The following NINL variants were observed in gnomAD, a reference collection of about 807,000 sequenced individuals.
NINL encodes the protein ninein like.
NINL carries 153 observed loss-of-function variants against 160.3 expected under a neutral mutation model. That is an observed-to-expected ratio of 0.95 (90% CI 0.84 to 1.09). The LOEUF (loss-of-function observed/expected upper bound fraction) is 1.09. Among genes scored for constraint, NINL ranks in the 50% least tolerant of loss-of-function variants. The pLI, the probability that NINL is intolerant of heterozygous loss-of-function variation, is 0.00. For missense variants in NINL, 1,829 were observed against 1,764.0 expected, an observed-to-expected ratio of 1.04 and a Z score of -0.66; for synonymous variants, 800 against 734.8, an observed-to-expected ratio of 1.09 and a Z score of -1.43.
At chr20:25,472,702 T>C (rs2063136629) in intron 17 of NINL, among the ~76,000 whole-genome samples, 1 of 152,042 alleles carries the variant, frequency 6.6e-6, no homozygotes, top group Non-Finnish European at 1.5e-5. Flanking sequence ...CTAATTTTTC[T>C]TAAGTTTTTG....
intron 1 of NINL, among the ~76,000 whole-genome samples, chr20:25,558,353 A>G (rs994160337): frequency 6.7e-6 from 1 of 148,340 alleles, no homozygotes; most frequent in Admixed American, 6.7e-5. Context: ...GAGGACACAC[A>G]CCCACCACCA....
At chr20:25,529,163 TC>T (rs1299095579) in intron 1 of NINL, among the ~76,000 whole-genome samples, 2 of 152,026 alleles carry the variant, frequency 1.3e-5, no homozygotes, top group Admixed American at 1.3e-4. Context: ...AGTCTCAGAT[TC>T]TCAGGAGGCT....
At chr20:25,577,559 C>T (rs2065127978) in intron 1 of NINL, among the ~76,000 whole-genome samples, 1 of 152,228 alleles carries the variant, frequency 6.6e-6, no homozygotes, top group African/African-American at 2.4e-5. Flanking sequence ...TAATTAATAG[C>T]TGTTTACTAC....
At chr20:25,487,658 C>T (rs1006771756) in intron 13 of NINL, among the ~76,000 whole-genome samples, 3 of 152,206 alleles carry the variant, frequency 2.0e-5, no homozygotes, top group Non-Finnish European at 4.4e-5. Context: ...AAATTAAAAC[C>T]TAACCAGGAG....
At chr20:25,460,232 C>G (rs950485040) in intron 21 of NINL, among the ~76,000 whole-genome samples, 9 of 152,212 alleles carry the variant, frequency 5.9e-5, no homozygotes, top group African/African-American at 2.2e-4. Flanking sequence ...CTCGTGGCCA[C>G]TCTTAGGGAG....
intron 18 of NINL, among the ~76,000 whole-genome samples, chr20:25,469,365 G>A (rs1268471275): frequency 2.4e-5 from 2 of 81,638 alleles, no homozygotes; most frequent in South Asian, 4.6e-4. Flanking sequence ...ACTGGTGGCC[G>A]CCCTGCCCTG....
chr20:25,511,212 C>T (rs532973793), intron 4 of NINL, among the ~76,000 whole-genome samples: 1 of 152,278 alleles, frequency 6.6e-6, no homozygotes, highest in East Asian at 1.9e-4. Context: ...TTTCCCTCAC[C>T]AACCATATCA....
At chr20:25,467,973 G>A (rs566629971) in intron 18 of NINL, among the ~76,000 whole-genome samples, 1 of 152,168 alleles carries the variant, frequency 6.6e-6, no homozygotes, top group Non-Finnish European at 1.5e-5. Flanking sequence ...GGCAATCCCT[G>A]GGTACCTGCT....
rs148214275 is a variant in NINL, at chr20:25,495,744, T to G, written c.1310+919A>C. Among the ~76,000 whole-genome samples, 14 of 152,296 alleles carry G rather than the reference T, an allele frequency of 9.2e-5. No homozygotes were observed. In the East Asian group the frequency reaches 9.7e-4, roughly 11 times the overall value. On this transcript the variant is annotated intron_variant, in intron 10 of 23. Coordinates refer to ENST00000278886, the MANE Select transcript of NINL (RefSeq NM_025176.6). ...GCAGACATGTGCCCCACCAATGACG[T>G]AGAGAAGCCCCTCTCCCTGCCTGAG...
intron 1 of NINL, among the ~76,000 whole-genome samples, chr20:25,563,882 A>G (rs1444358998): frequency 2.6e-5 from 4 of 152,204 alleles, no homozygotes; most frequent in Admixed American, 1.3e-4. Flanking sequence ...AAAGAGAAGA[A>G]GAAGAAACAA....
chr20:25,480,038 G>C (rs2063353999), intron 15 of NINL, 123 bp downstream of exon 15: 2 of 708,934 alleles, frequency 2.8e-6, no homozygotes, highest in African/African-American at 1.8e-5. Context: ...TCCCCAAAGG[G>C]GCTCACAATG....
At chr20:25,477,753 G>A (rs1164705148) in intron 16 of NINL, among the ~76,000 whole-genome samples, 9 of 152,152 alleles carry the variant, frequency 5.9e-5, no homozygotes, top group African/African-American at 1.4e-4. Context: ...AGACAGCTCC[G>A]GGTGGGGGCC....
At chr20:25,466,670 C>T (rs1016554121) in intron 19 of NINL, among the ~76,000 whole-genome samples, 4 of 151,948 alleles carry the variant, frequency 2.6e-5, no homozygotes, top group East Asian at 1.9e-4. Context: ...CATGGTGGTA[C>T]ACACCTGCAA....
chr20:25,486,845 C>T (rs1198419722), intron 13 of NINL, among the ~76,000 whole-genome samples: 9 of 152,186 alleles, frequency 5.9e-5, no homozygotes, highest in Non-Finnish European at 1.3e-4. Context: ...CCCTTAAAAT[C>T]GAACAACAAT....
intron 1 of NINL, among the ~76,000 whole-genome samples, chr20:25,531,389 G>A (rs112961075): frequency 6.6e-6 from 1 of 152,194 alleles, no homozygotes; most frequent in South Asian, 2.1e-4. Flanking sequence ...GAGATTAAGA[G>A]ATTAAAGTAA....
Position 25,490,579 on chromosome 20 carries a change from A to G in NINL, c.1486-594T>C, listed in dbSNP as rs1023890070. Reference sequence around the variant, plus strand: ...CATCTCAAGGAAAAAAAAAAAAAAAAAAAGAAAGGGTGGGGAATACAAAAG... The same window carrying G: ...CATCTCAAGGAAAAAAAAAAAAAAAGAAAGAAAGGGTGGGGAATACAAAAG... On this transcript the variant is annotated intron_variant, in intron 11 of 23. Transcript: ENST00000278886. Among the ~76,000 whole-genome samples, 37 of 152,048 alleles carry G rather than the reference A, an allele frequency of 2.4e-4. 1 individual carries two copies. In the East Asian group the frequency reaches 2.7e-3, roughly 11 times the overall value.
At chr20:25,585,244 G>A (rs1236858014) in intron 1 of NINL, among the ~76,000 whole-genome samples, 1 of 152,194 alleles carries the variant, frequency 6.6e-6, no homozygotes, top group Non-Finnish European at 1.5e-5. Context: ...ATTTTAGGGC[G>A]TGACCCCCGC....
At chr20:25,480,572 G>A (rs2063365964) in intron 14 of NINL, among the ~76,000 whole-genome samples, 1 of 152,190 alleles carries the variant, frequency 6.6e-6, no homozygotes, top group Non-Finnish European at 1.5e-5. Flanking sequence ...AGATGCCAGG[G>A]TCACGGAGGA....
In NINL at chr20:25,453,522, G is replaced by C. The variant is rs1272277523; in HGVS notation, c.4078C>G (p.Leu1360Val). 1.2e-6 allele frequency: 2 copies of C among 1,614,124 alleles called. No individual in the cohort carries two copies. The highest frequency in any genetic ancestry group is 2.2e-5 in the East Asian group (1 of 44,876). ...KQRGAEKQSR[L>V]LEEKVRALNK... Reference sequence around the variant, plus strand: ...AGAGCGCGAACTTTTTCTTCCAAGAGGCGGCTTTGTTTCTCGGCGCCTCGC... The same window carrying C: ...AGAGCGCGAACTTTTTCTTCCAAGACGCGGCTTTGTTTCTCGGCGCCTCGC... The change falls in exon 24 of 24, where the codon CTC (leucine) becomes GTC (valine). Residue 1360 changes from leucine to valine, a missense_variant. Physicochemically the swap from Leu to Val is conservative, Grantham distance 32. Coordinates refer to ENST00000278886, the MANE Select transcript of NINL (RefSeq NM_025176.6).
Sources: gnomAD v4.1 joint callset for allele counts (sites outside exome capture counted in the v4.1 genomes callset) on GRCh38, gnomAD v4.1.1 for gene constraint, MANE v1.5 for transcripts, NCBI Gene and HGNC (gene_info 2026-07-23, HGNC 2026-07-21) for gene names.